AMOTL1: variants seen among roughly 807,000 people sequenced by gnomAD.
AMOTL1 encodes angiomotin-like protein 1.
Under a neutral mutation model 102.9 loss-of-function variants are expected in AMOTL1, and 45 were observed. The ratio of observed to expected loss-of-function variants is 0.44; its 90% CI spans 0.34 to 0.56. The LOEUF (loss-of-function observed/expected upper bound fraction) is 0.56, where lower values mean the gene tolerates loss of function less well. AMOTL1 is among the 20% of genes least tolerant of loss of function. AMOTL1 has a pLI of 0.01. For missense variants in AMOTL1, 1,114 were observed against 1,225.6 expected, an observed-to-expected ratio of 0.91 and a Z score of 1.36; for synonymous variants, 481 against 484.7, an observed-to-expected ratio of 0.99 and a Z score of 0.10.
intron 6 of AMOTL1, among the ~76,000 whole-genome samples, chr11:94,836,320 A>G (rs758551307): frequency 8.5e-5 from 13 of 152,210 alleles, no homozygotes; most frequent in South Asian, 2.1e-4. Context: ...TTATGGACCA[A>G]TCAGCACTAG....
intron 3 of AMOTL1, among the ~76,000 whole-genome samples, chr11:94,801,421 T>C (rs771192134): frequency 2.0e-5 from 3 of 152,096 alleles, no homozygotes; most frequent in Non-Finnish European, 2.9e-5. Flanking sequence ...ATGATGACGG[T>C]CTCTGGGTGT....
rs551954547 is a variant in AMOTL1, at chr11:94,742,266, A to T, written c.136+1278A>T. Among the ~76,000 whole-genome samples, 26 of 152,350 alleles carry T rather than the reference A, an allele frequency of 1.7e-4. 1 individual carries two copies. The highest frequency in any genetic ancestry group is 5.3e-4 in the African/African-American group (22 of 41,590). ...GACATCTAAACCATAGCTTTTCATG[A>T]TGTGATTTATTAAGAGGACAGGTAC... On this transcript the variant is annotated intron_variant, in intron 3 of 4. Transcript: ENST00000299004.
intron 11 of AMOTL1, 82 bp from the exon 12 acceptor site, chr11:94,869,113 TCAA>T: frequency 7.2e-7 from 1 of 1,386,720 alleles, no homozygotes; most frequent in East Asian, 2.6e-5. Flanking sequence ...CAATCATCAA[TCAA>T]CAAGGAACAG....
intron 3 of AMOTL1, among the ~76,000 whole-genome samples, chr11:94,744,124 C>G (rs1350543328): frequency 1.3e-5 from 2 of 152,230 alleles, no homozygotes; most frequent in African/African-American, 4.8e-5. Flanking sequence ...TCCTGCAAGA[C>G]TATCTACCAC....
intron 5 of AMOTL1, among the ~76,000 whole-genome samples, chr11:94,830,493 C>T (rs11020957): frequency 1.4e-3 from 211 of 152,314 alleles, no homozygotes; most frequent in Non-Finnish European, 1.7e-3. Flanking sequence ...TACTCAACCA[C>T]GATTCATGGC....
Position 94,869,290 on chromosome 11 carries a change from A to C in AMOTL1, c.2581A>C (p.Thr861Pro). The C allele has an allele frequency of 6.2e-7, 1 of 1,612,750 alleles. No individual in the cohort carries two copies. The highest frequency in any genetic ancestry group is 8.5e-7 in the Non-Finnish European group (1 of 1,179,520). Residue 861 changes from threonine (T) to proline (P), a missense_variant, in exon 12 of 13, where the codon ACG becomes CCG. Physicochemically the swap from Thr to Pro is conservative, Grantham distance 38. Transcript: ENST00000433060. Reference sequence around the variant, plus strand: ...AGCACTGTCCTCCATAGCCTCCACTACGGCAGCCAGCAGTGCCCACGCCAA... The same window carrying C: ...AGCACTGTCCTCCATAGCCTCCACTCCGGCAGCCAGCAGTGCCCACGCCAA... ...TSALSSIAST[T>P]AASSAHAKTG...
At chr11:94,739,820 G>T (rs908573114) in intron 2 of AMOTL1, among the ~76,000 whole-genome samples, 19 of 152,172 alleles carry the variant, frequency 1.2e-4, no homozygotes, top group African/African-American at 4.6e-4. Flanking sequence ...CTGGGGGCTG[G>T]GGGGAGATAC....
chr11:94,800,612 A>G (rs1951459014), intron 3 of AMOTL1, among the ~76,000 whole-genome samples: 1 of 152,118 alleles, frequency 6.6e-6, no homozygotes, highest in Non-Finnish European at 1.5e-5. Context: ...GCAATTTTCC[A>G]ATGGCTTTGT....
intron 6 of AMOTL1, among the ~76,000 whole-genome samples, chr11:94,836,558 T>G (rs1031133792): frequency 4.6e-5 from 7 of 152,208 alleles, no homozygotes; most frequent in Admixed American, 6.5e-5. Context: ...AAAATCCTGG[T>G]GACAATAGGC....
intron 2 of AMOTL1, among the ~76,000 whole-genome samples, chr11:94,797,954 A>G (rs1427160267): frequency 6.6e-6 from 1 of 152,166 alleles, no homozygotes; most frequent in Non-Finnish European, 1.5e-5. Context: ...TATTGGAACA[A>G]TCTTTCAAGG....
chr11:94,837,587 C>T (rs1468707679), intron 6 of AMOTL1, among the ~76,000 whole-genome samples: 1 of 152,224 alleles, frequency 6.6e-6, no homozygotes, highest in African/African-American at 2.4e-5. Flanking sequence ...ACCTACATGA[C>T]AACCAGAAGT....
intron 1 of AMOTL1, among the ~76,000 whole-genome samples, chr11:94,725,329 T>C (rs1458603988): frequency 6.6e-6 from 1 of 152,022 alleles, no homozygotes; most frequent in Non-Finnish European, 1.5e-5. Flanking sequence ...GGTTTTGAGA[T>C]GGAGAAATTT....
At chr11:94,771,900 T>C (rs1444393874) in intron 1 of AMOTL1, among the ~76,000 whole-genome samples, 1 of 152,208 alleles carries the variant, frequency 6.6e-6, no homozygotes, top group East Asian at 1.9e-4. Flanking sequence ...AAGAATTAGA[T>C]TTAAGTTTTC....
At chr11:94,761,838 A>T (rs1199987804) in intron 3 of AMOTL1, among the ~76,000 whole-genome samples, 1 of 152,196 alleles carries the variant, frequency 6.6e-6, no homozygotes, top group South Asian at 2.1e-4. Flanking sequence ...GTTGGTCTGT[A>T]GTGCATATTC....
chr11:94,794,991 C>G lies in AMOTL1; in HGVS notation c.50-20C>G. ...AGGACTTGATGGGCACTCATATTCA[C>G]TTCGCTTTCTTTCCCCCAGGGTCCC... On this transcript the variant is annotated intron_variant, in intron 1 of 12. Coordinates refer to ENST00000433060, the MANE Select transcript of AMOTL1 (RefSeq NM_130847.3). 6.3e-7 allele frequency: 1 copy of G among 1,598,370 alleles called. No homozygotes were observed. The highest frequency in any genetic ancestry group is 1.1e-5 in the South Asian group (1 of 87,542).
At chr11:94,856,542 G>A (rs1049846304) in intron 8 of AMOTL1, among the ~76,000 whole-genome samples, 3 of 152,128 alleles carry the variant, frequency 2.0e-5, no homozygotes, top group African/African-American at 7.2e-5. Flanking sequence ...GCCTGTCCGG[G>A]AAAGGGGATC....
chr11:94,765,446 T>C (rs1303990117), upstream of AMOTL1, among the ~76,000 whole-genome samples: 3 of 152,184 alleles, frequency 2.0e-5, no homozygotes, highest in Non-Finnish European at 4.4e-5. Flanking sequence ...GAACAATAGA[T>C]TCAGGAACTA....
intron 8 of AMOTL1, among the ~76,000 whole-genome samples, chr11:94,855,602 T>TA (rs1027103633): frequency 1.5e-4 from 23 of 152,184 alleles, no homozygotes; most frequent in African/African-American, 5.3e-4. Context: ...GAATGTTCCT[T>TA]CCTGGTTAAT....
At position 94,843,893 on chromosome 11, in the gene AMOTL1, C is replaced by T. The variant is rs570101451; in HGVS notation, c.1649-6221C>T. Among the ~76,000 whole-genome samples the T allele has an allele frequency of 2.4e-4, 36 of 152,210 alleles. No homozygotes were observed. In the South Asian group the frequency reaches 3.3e-3, roughly 14 times the overall value. ...GTTAGGAAGCATTGGCCTCTTCACG[C>T]GGAGGTTCATTCTCTGAGTGAACCT... On this transcript the variant is annotated intron_variant, in intron 6 of 12. Coordinates refer to ENST00000433060, the MANE Select transcript of AMOTL1 (RefSeq NM_130847.3).
Sources: allele counts gnomAD v4.1 joint callset (sites outside exome capture counted in the v4.1 genomes callset), GRCh38; gene constraint gnomAD v4.1.1; transcripts MANE v1.5; gene names NCBI Gene and HGNC (gene_info 2026-07-23, HGNC 2026-07-21).